The following ITFG1 variants were observed in gnomAD, a reference collection of about 807,000 sequenced individuals.
The protein encoded by ITFG1 is integrin alpha FG-GAP repeat containing 1.
Under a neutral mutation model 81.8 loss-of-function variants are expected in ITFG1, and 34 were observed. The observed-to-expected ratio is 0.42, with a 90% CI of 0.32 to 0.55. The LOEUF (loss-of-function observed/expected upper bound fraction) is 0.55. ITFG1 is among the 20% of genes least tolerant of loss of function. The pLI is 0.17. For missense variants in ITFG1, 672 were observed against 755.4 expected (o/e 0.89, Z 1.29); for synonymous variants, 285 against 270.6 (o/e 1.05, Z -0.52).
intron 8 of ITFG1, among the ~76,000 whole-genome samples, chr16:47,330,734 C>G (rs1967626103): frequency 6.6e-6 from 1 of 152,136 alleles, no homozygotes; most frequent in Admixed American, 6.6e-5. Context: ...CTCAATATCA[C>G]TAATCATCAG....
At chr16:47,453,894 A>G (rs1181963274) in intron 3 of ITFG1, 119 bp downstream of exon 3, 2 of 677,838 alleles carry the variant, frequency 3.0e-6, no homozygotes, top group Non-Finnish European at 4.9e-6. Context: ...CTTTGAAAAA[A>G]GGTTTTACAA....
At chr16:47,177,428 G>GA (rs1965043937) in intron 14 of ITFG1, among the ~76,000 whole-genome samples, 1 of 152,058 alleles carries the variant, frequency 6.6e-6, no homozygotes, top group African/African-American at 2.4e-5. Context: ...GGTCTAGCCA[G>GA]AAAAAAGGCT....
chr16:47,325,907 TG>T (rs1445588113), intron 8 of ITFG1, among the ~76,000 whole-genome samples: 3 of 152,134 alleles, frequency 2.0e-5, no homozygotes, highest in Non-Finnish European at 4.4e-5. Context: ...AAGGAGGAGC[TG>T]GTACCACTCC....
intron 6 of ITFG1, among the ~76,000 whole-genome samples, chr16:47,414,125 T>G (rs1299914570): frequency 6.6e-6 from 1 of 151,980 alleles, no homozygotes; most frequent in African/African-American, 2.4e-5. Flanking sequence ...CCAGCCGAGA[T>G]GTACTTATAA....
chr16:47,192,013 C>G (rs1308371482), intron 14 of ITFG1, among the ~76,000 whole-genome samples: 1 of 152,166 alleles, frequency 6.6e-6, no homozygotes, highest in Non-Finnish European at 1.5e-5. Flanking sequence ...CCCCTGGGCT[C>G]AAGCAATCTG....
chr16:47,320,085 C>A (rs1229317523), intron 8 of ITFG1, among the ~76,000 whole-genome samples: 1 of 152,198 alleles, frequency 6.6e-6, no homozygotes, highest in Non-Finnish European at 1.5e-5. Flanking sequence ...CCACGCCCAG[C>A]AGAGGCCCAT....
intron 10 of ITFG1, among the ~76,000 whole-genome samples, chr16:47,271,505 G>A (rs1361322301): frequency 6.6e-6 from 1 of 152,186 alleles, no homozygotes; most frequent in Non-Finnish European, 1.5e-5. Context: ...CTTGTATAAT[G>A]TAGACGGGAA....
chr16:47,269,724 T>G (rs174642), intron 10 of ITFG1, among the ~76,000 whole-genome samples: 49,123 of 152,056 alleles, frequency 0.32, 8,268 homozygotes, highest in Non-Finnish European at 0.38. Context: ...ATAGTTTCAT[T>G]GTAATCCCAA....
At chr16:47,238,289 G>A (rs937144791) in intron 12 of ITFG1, 2 of 216,014 alleles carry the variant, frequency 9.3e-6, no homozygotes, top group Non-Finnish European at 1.8e-5. Flanking sequence ...GAACCTGTTG[G>A]TTCTATTTTC....
At chr16:47,452,867 A>C in intron 3 of ITFG1, 77 bp from the exon 4 acceptor site, 1 of 690,836 alleles carries the variant, frequency 1.4e-6, no homozygotes, top group Non-Finnish European at 2.4e-6. Flanking sequence ...AGGAAAAAAT[A>C]TTCTTCTACT....
intron 6 of ITFG1, among the ~76,000 whole-genome samples, chr16:47,403,762 AC>A (rs1968692934): frequency 4.7e-5 from 1 of 21,470 alleles, no homozygotes; most frequent in Non-Finnish European, 9.9e-5. Flanking sequence ...CTCTCTTGGT[AC>A]ACACACACAC....
At chr16:47,411,603 CA>C (rs1968811884) in intron 6 of ITFG1, among the ~76,000 whole-genome samples, 1 of 152,074 alleles carries the variant, frequency 6.6e-6, no homozygotes, top group African/African-American at 2.4e-5. Flanking sequence ...CTCTGCCAAG[CA>C]AAGATGGACG....
chr16:47,179,580 C>A (rs1260555252), intron 14 of ITFG1, among the ~76,000 whole-genome samples: 1 of 152,002 alleles, frequency 6.6e-6, no homozygotes. Context: ...TTGAATTGTA[C>A]ACTTAAGATG....
intron 5 of ITFG1, among the ~76,000 whole-genome samples, chr16:47,445,564 T>G (rs1381636176): frequency 1.3e-5 from 2 of 152,294 alleles, no homozygotes; most frequent in South Asian, 2.1e-4. Context: ...ATGGTCACAT[T>G]ATTTCCCATC....
intron 6 of ITFG1, among the ~76,000 whole-genome samples, chr16:47,427,577 G>T (rs745683876): frequency 3.9e-5 from 6 of 152,152 alleles, no homozygotes; most frequent in Non-Finnish European, 7.4e-5. Flanking sequence ...AGTGGGCAGA[G>T]ATCGCACCAC....
intron 14 of ITFG1, among the ~76,000 whole-genome samples, chr16:47,209,843 A>G (rs1567424191): frequency 6.6e-6 from 1 of 152,128 alleles, no homozygotes; most frequent in Admixed American, 6.6e-5. Flanking sequence ...TCTCAATGTA[A>G]TCCTCTGGAG....
At chr16:47,420,158 CTT>C (rs1301073871) in intron 6 of ITFG1, among the ~76,000 whole-genome samples, 2 of 152,054 alleles carry the variant, frequency 1.3e-5, no homozygotes, top group African/African-American at 4.8e-5. Context: ...CAAAGATCCT[CTT>C]GTCATTGATT....
At chr16:47,257,213 G>A (rs1039822364) in intron 12 of ITFG1, among the ~76,000 whole-genome samples, 5 of 152,146 alleles carry the variant, frequency 3.3e-5, no homozygotes, top group African/African-American at 4.8e-5. Flanking sequence ...TGCAGAAGAC[G>A]AAGTTGTCTA....
intron 14 of ITFG1, among the ~76,000 whole-genome samples, chr16:47,194,545 C>T (rs946853881): frequency 6.6e-6 from 1 of 152,056 alleles, no homozygotes; most frequent in African/African-American, 2.4e-5. Flanking sequence ...TTATAAACAC[C>T]CTTCTGAGAA....
Sources: allele counts gnomAD v4.1 joint callset (sites outside exome capture counted in the v4.1 genomes callset), GRCh38; gene constraint gnomAD v4.1.1; transcripts MANE v1.5; gene names NCBI Gene and HGNC (gene_info 2026-07-23, HGNC 2026-07-21).